The following GPM6A variants were observed in gnomAD, a reference collection of about 807,000 sequenced individuals.
The protein encoded by GPM6A is glycoprotein M6A, also known as neuronal membrane glycoprotein M6-a.
A neutral mutation model predicts 32.1 loss-of-function variants in GPM6A; 7 were observed. That is an observed-to-expected ratio of 0.22 (90% CI 0.12 to 0.41). The LOEUF (loss-of-function observed/expected upper bound fraction) is 0.41, where lower values mean the gene tolerates loss of function less well. Ranked by LOEUF, GPM6A falls within the 10% of genes least tolerant of loss-of-function variation. The pLI is 1.00. For synonymous variants in GPM6A, 130 were observed against 123.4 expected (o/e 1.05, Z -0.35); for missense variants, 235 against 347.2 (o/e 0.68, Z 2.57).
chr4:175,811,992 T>G, intron 1 of GPM6A, 199 bp downstream of exon 1: 1 of 523,634 alleles, frequency 1.9e-6, no homozygotes, highest in Admixed American at 3.3e-5. Context: ...ATTTCGGTAC[T>G]TATATCTGAA....
chr4:175,936,015 T>C (rs1017365637), intron 1 of GPM6A, among the ~76,000 whole-genome samples: 3 of 150,968 alleles, frequency 2.0e-5, no homozygotes, highest in South Asian at 2.1e-4. Flanking sequence ...ATAAAAAAAA[T>C]TAAAAAACGG....
At chr4:175,946,243 C>T (rs185609893) in intron 1 of GPM6A, among the ~76,000 whole-genome samples, 40 of 152,264 alleles carry the variant, frequency 2.6e-4, no homozygotes, top group Non-Finnish European at 5.0e-4. Context: ...TAAGACAAGG[C>T]ACCAAAAACA....
At chr4:175,875,313 A>G (rs1370667186) in intron 1 of GPM6A, among the ~76,000 whole-genome samples, 1 of 152,142 alleles carries the variant, frequency 6.6e-6, no homozygotes, top group Non-Finnish European at 1.5e-5. Flanking sequence ...TCAAGCCACT[A>G]AATTTTCTTT....
At chr4:175,638,085 T>C (rs1245909188) in intron 6 of GPM6A, among the ~76,000 whole-genome samples, 1 of 149,952 alleles carries the variant, frequency 6.7e-6, no homozygotes, top group Non-Finnish European at 1.5e-5. Flanking sequence ...GTCGATTTAC[T>C]TTGTCAGCAT....
chr4:175,975,215 C>T (rs1321751780), intron 1 of GPM6A, among the ~76,000 whole-genome samples: 1 of 152,176 alleles, frequency 6.6e-6, no homozygotes, highest in East Asian at 1.9e-4. Context: ...CATTAATAAG[C>T]CCCCTTGGAA....
At chr4:175,847,453 G>A (rs1325245242) in intron 1 of GPM6A, among the ~76,000 whole-genome samples, 3 of 152,162 alleles carry the variant, frequency 2.0e-5, no homozygotes, top group South Asian at 2.1e-4. Flanking sequence ...TGCCTAGGAC[G>A]TGCCTCCCCC....
intron 1 of GPM6A, among the ~76,000 whole-genome samples, chr4:175,913,863 C>T (rs1367853064): frequency 6.6e-6 from 1 of 152,212 alleles, no homozygotes; most frequent in Non-Finnish European, 1.5e-5. Flanking sequence ...TCATACCTAC[C>T]ACCTGGTAAC....
chr4:175,757,726 A>G (rs984616562), intron 1 of GPM6A, among the ~76,000 whole-genome samples: 1 of 152,186 alleles, frequency 6.6e-6, no homozygotes, highest in Non-Finnish European at 1.5e-5. Flanking sequence ...TGAGAAGAGT[A>G]TCTGAGAGAA....
At chr4:175,915,309 T>C (rs1738457118) in intron 1 of GPM6A, among the ~76,000 whole-genome samples, 2 of 150,248 alleles carry the variant, frequency 1.3e-5, no homozygotes, top group African/African-American at 2.5e-5. Context: ...TTTTTTGACA[T>C]GGAGTCTCGC....
chr4:175,759,834 G>T (rs1389472597), intron 1 of GPM6A, among the ~76,000 whole-genome samples: 1 of 152,118 alleles, frequency 6.6e-6, no homozygotes, highest in African/African-American at 2.4e-5. Flanking sequence ...TCATAAGAAA[G>T]AGATTATCTT....
intron 1 of GPM6A, among the ~76,000 whole-genome samples, chr4:175,746,814 T>C (rs1348040589): frequency 1.3e-5 from 2 of 152,190 alleles, no homozygotes; most frequent in Admixed American, 6.6e-5. Context: ...TGTGTTTATC[T>C]CTGTGGATTA....
intron 1 of GPM6A, among the ~76,000 whole-genome samples, chr4:175,804,909 G>A (rs1350781363): frequency 1.3e-5 from 2 of 152,108 alleles, no homozygotes; most frequent in Non-Finnish European, 2.9e-5. Flanking sequence ...GCTGGGTGTG[G>A]TGGCGGGCGC....
intron 1 of GPM6A, among the ~76,000 whole-genome samples, chr4:175,708,951 C>T (rs746183811): frequency 7.9e-5 from 12 of 152,154 alleles, no homozygotes; most frequent in Non-Finnish European, 1.6e-4. Context: ...GTAAAACTAT[C>T]CAGTCCACTT....
chr4:175,687,306 A>G (rs1744038560), intron 2 of GPM6A, among the ~76,000 whole-genome samples: 1 of 151,962 alleles, frequency 6.6e-6, no homozygotes, highest in African/African-American at 2.4e-5. Context: ...GAAACTCCAC[A>G]CTCATTGAAC....
chr4:175,934,773 C>T (rs1192361740), intron 1 of GPM6A, among the ~76,000 whole-genome samples: 2 of 152,146 alleles, frequency 1.3e-5, no homozygotes, highest in African/African-American at 4.8e-5. Flanking sequence ...AATGCTGAAG[C>T]TCTCATTTAT....
chr4:175,796,390 T>G (rs2111290371), intron 1 of GPM6A, among the ~76,000 whole-genome samples: 1 of 152,306 alleles, frequency 6.6e-6, no homozygotes, highest in Non-Finnish European at 1.5e-5. Context: ...TACCAATCAG[T>G]GCATTCAATG....
Position 175,704,338 on chromosome 4 carries a change from C to T in GPM6A, c.38-2571G>A, listed in dbSNP as rs189086480. Reference sequence around the variant, plus strand: ...TCTTTCTCTCACACACACACACACACGTGCACGTGTGCACGCCCCCCCACC... The same window carrying T: ...TCTTTCTCTCACACACACACACACATGTGCACGTGTGCACGCCCCCCCACC... On this transcript the variant is annotated intron_variant, in intron 1 of 6. Coordinates refer to ENST00000393658, the MANE Select transcript of GPM6A (RefSeq NM_201591.3). 1.4e-3 allele frequency among the ~76,000 whole-genome samples: 215 copies of T among 151,176 alleles called. 5 individuals carry two copies. Among genetic ancestry groups the T allele is most frequent in the Admixed American group, 1.2e-3 (18 of 15,170 alleles).
At chr4:175,955,780 C>T (rs1007731489) in intron 1 of GPM6A, among the ~76,000 whole-genome samples, 1 of 152,088 alleles carries the variant, frequency 6.6e-6, no homozygotes, top group African/African-American at 2.4e-5. Context: ...AATGAGTAAA[C>T]GATCCATTCC....
chr4:175,944,859 C>T (rs535042024), intron 1 of GPM6A, among the ~76,000 whole-genome samples: 31 of 151,792 alleles, frequency 2.0e-4, no homozygotes, highest in Non-Finnish European at 3.5e-4. Flanking sequence ...TAGGCTTTAC[C>T]GACTGCAGTC....
Sources: allele counts gnomAD v4.1 joint callset (sites outside exome capture counted in the v4.1 genomes callset), GRCh38; gene constraint gnomAD v4.1.1; transcripts MANE v1.5; gene names NCBI Gene and HGNC (gene_info 2026-07-23, HGNC 2026-07-21).